Variants in WDR72 observed in about 807,000 individuals in gnomAD.
WDR72 encodes WD repeat-containing protein 72.
In WDR72, 120 loss-of-function variants were observed where a neutral mutation model predicts 124.2. The observed-to-expected ratio is 0.97, with a 90% CI of 0.83 to 1.12. WDR72 has a LOEUF of 1.12. Among genes scored for constraint, WDR72 ranks in the 50% most tolerant of loss-of-function variants. WDR72 has a pLI of 0.00. For synonymous variants in WDR72, 452 were observed against 441.7 expected, an observed-to-expected ratio of 1.02 and a Z score of -0.29; for missense variants, 1,387 against 1,278.8, an observed-to-expected ratio of 1.08 and a Z score of -1.29.
chr15:53,730,314 C>T (rs953092258), intron 2 of WDR72, among the ~76,000 whole-genome samples: 3 of 152,132 alleles, frequency 2.0e-5, no homozygotes, highest in Admixed American at 2.0e-4. Context: ...ATAGAATAGT[C>T]AAATTCATAG....
intron 18 of WDR72, among the ~76,000 whole-genome samples, chr15:53,544,563 T>A (rs980808846): frequency 2.0e-5 from 3 of 148,800 alleles, no homozygotes; most frequent in African/African-American, 7.7e-5. Flanking sequence ...TCATACTGAA[T>A]GGGCAAAAAC....
At chr15:53,555,636 C>G (rs188622223) in intron 18 of WDR72, among the ~76,000 whole-genome samples, 1 of 152,080 alleles carries the variant, frequency 6.6e-6, no homozygotes, top group Admixed American at 6.6e-5. Context: ...ATATTTCACT[C>G]GACTCTCCTA....
chr15:53,711,071 A>C, intron 8 of WDR72, 118 bp from the exon 9 acceptor site: 1 of 973,456 alleles, frequency 1.0e-6, no homozygotes, highest in Non-Finnish European at 1.6e-6. Context: ...CTCTAGTTAG[A>C]AATTGTTGGG....
At chr15:53,743,803 G>C (rs933975151) in intron 1 of WDR72, among the ~76,000 whole-genome samples, 3 of 151,858 alleles carry the variant, frequency 2.0e-5, no homozygotes, top group Non-Finnish European at 2.9e-5. Context: ...GTGAAACCCC[G>C]TCTCTACTAA....
rs116973572 is a variant in WDR72, at chr15:53,568,817, T to C, written c.3148+28262A>G. Among the ~76,000 whole-genome samples, 20 of 152,152 alleles carry C rather than the reference T, an allele frequency of 1.3e-4. No homozygotes were observed. The East Asian group carries it at 3.9e-3, about 30-fold the overall frequency. Reference sequence around the variant, plus strand: ...ATTTCTCATGAGTTAAAAACTCAGCTGCTATCAATGTAAACATACATTATA... The same window carrying C: ...ATTTCTCATGAGTTAAAAACTCAGCCGCTATCAATGTAAACATACATTATA... On this transcript the variant is annotated intron_variant, in intron 18 of 19. Transcript: ENST00000360509.
intron 14 of WDR72, 72 bp from the exon 15 acceptor site, chr15:53,616,315 T>C (rs1566986662): frequency 2.9e-6 from 4 of 1,365,724 alleles, no homozygotes; most frequent in Non-Finnish European, 4.1e-6. Flanking sequence ...GATGTTAAAG[T>C]GGCATTTTTA....
intron 18 of WDR72, among the ~76,000 whole-genome samples, chr15:53,556,333 G>A (rs965292996): frequency 2.0e-5 from 3 of 152,112 alleles, no homozygotes; most frequent in Middle Eastern, 3.2e-3. Context: ...CTAAAGGTTT[G>A]TGTTCCTTTC....
At position 53,631,720 on chromosome 15, in the gene WDR72, C is replaced by T. The variant is rs1028072529; in HGVS notation, c.1963-15477G>A. 9.2e-5 allele frequency among the ~76,000 whole-genome samples: 14 copies of T among 152,238 alleles called. No individual in the cohort carries two copies. The South Asian group carries it at 1.7e-3, about 18-fold the overall frequency. ...CTGGAGTAAAGGTCACTTTGTTATG[C>T]TTTAGCAAAGAGGGTGGCTGTATTG... On this transcript the variant is annotated intron_variant, in intron 14 of 19. Transcript: ENST00000360509.
chr15:53,703,008 G>A (rs544639005), intron 11 of WDR72, among the ~76,000 whole-genome samples: 1 of 151,756 alleles, frequency 6.6e-6, no homozygotes, highest in South Asian at 2.1e-4. Context: ...AAGTTCCCTG[G>A]GCTCGGATGA....
At chr15:53,663,824 C>T (rs1009000893) in intron 14 of WDR72, among the ~76,000 whole-genome samples, 2 of 152,024 alleles carry the variant, frequency 1.3e-5, no homozygotes, top group African/African-American at 2.4e-5. Flanking sequence ...ATACCTAAGA[C>T]TGTCAGTGTG....
chr15:53,516,383 A>C lies in WDR72; in HGVS notation c.*1316T>G, dbSNP rs527264986. Reference sequence around the variant, plus strand: ...CACAGTTCTCTTTTCTAATTTCCCCATCTCCTGTCTACTGCATCCCAGCAT... The same window carrying C: ...CACAGTTCTCTTTTCTAATTTCCCCCTCTCCTGTCTACTGCATCCCAGCAT... On this transcript the variant is annotated 3_prime_UTR_variant, in exon 20 of 20. Coordinates refer to ENST00000360509, the MANE Select transcript of WDR72 (RefSeq NM_182758.4). The C allele has an allele frequency of 6.6e-6, 1 of 152,084 alleles. No individual in the cohort carries two copies. Among genetic ancestry groups the C allele is most frequent in the African/African-American group, 2.4e-5 (1 of 41,514 alleles). 9.4% of individuals were successfully genotyped at this position (152,084 alleles called of 1,614,324 possible).
chr15:53,655,275 A>G (rs950213331), intron 14 of WDR72, among the ~76,000 whole-genome samples: 33 of 147,514 alleles, frequency 2.2e-4, no homozygotes, highest in Non-Finnish European at 4.4e-4. Context: ...TCTTAAAGAC[A>G]ATTTGTTACC....
At chr15:53,654,684 A>G (rs890992173) in intron 14 of WDR72, among the ~76,000 whole-genome samples, 7 of 152,212 alleles carry the variant, frequency 4.6e-5, no homozygotes, top group Admixed American at 1.3e-4. Flanking sequence ...CTCAGTAGCT[A>G]TCTTGATTAA....
Position 53,615,831 on chromosome 15 carries a change from A to C in WDR72, c.2375T>G (p.Ile792Arg), listed in dbSNP as rs758899508. The change falls in exon 15 of 20, where the codon ATA (isoleucine) becomes AGA (arginine). Residue 792 changes from isoleucine to arginine, a missense_variant. Ile to Arg is a moderately conservative substitution (Grantham distance 97). Coordinates refer to ENST00000360509, the MANE Select transcript of WDR72 (RefSeq NM_182758.4). ...PSRKVDASLT[I>R]DTAKLFLSCL... ...AGACAGAAACAATTTTGCTGTGTCT[A>C]TTGTGAGACTGGCATCTACTTTTCT... 12 of 1,613,522 alleles carry C rather than the reference A, an allele frequency of 7.4e-6. No homozygotes were observed. Among genetic ancestry groups the C allele is most frequent in the Non-Finnish European group, 1.0e-5 (12 of 1,179,682 alleles).
At chr15:53,648,049 C>T (rs2015104673) in intron 14 of WDR72, among the ~76,000 whole-genome samples, 1 of 152,036 alleles carries the variant, frequency 6.6e-6, no homozygotes. Flanking sequence ...AAACAAATTC[C>T]CCCTAACTTC....
chr15:53,557,074 T>C (rs553311218), intron 18 of WDR72, among the ~76,000 whole-genome samples: 35 of 152,222 alleles, frequency 2.3e-4, no homozygotes, highest in Middle Eastern at 6.8e-3. Flanking sequence ...ACTGCCAAGG[T>C]TGACTTGGCC....
chr15:53,562,099 C>T (rs533841684), intron 18 of WDR72, among the ~76,000 whole-genome samples: 1 of 151,854 alleles, frequency 6.6e-6, no homozygotes, highest in South Asian at 2.1e-4. Flanking sequence ...ATGCTCAAAG[C>T]AATGTCAGTC....
intron 1 of WDR72, among the ~76,000 whole-genome samples, chr15:53,744,260 CTA>C (rs1008520426): frequency 6.6e-6 from 1 of 152,016 alleles, no homozygotes; most frequent in Non-Finnish European, 1.5e-5. Flanking sequence ...TAATTATTTT[CTA>C]TGTTTATGCT....
At chr15:53,728,920 C>T (rs137876062) in intron 2 of WDR72, among the ~76,000 whole-genome samples, 31 of 152,214 alleles carry the variant, frequency 2.0e-4, no homozygotes, top group African/African-American at 7.5e-4. Context: ...TCCCCTGTGC[C>T]CTGCCATCCC....
Sources: gnomAD v4.1 joint callset for allele counts (sites outside exome capture counted in the v4.1 genomes callset) on GRCh38, gnomAD v4.1.1 for gene constraint, MANE v1.5 for transcripts, NCBI Gene and HGNC (gene_info 2026-07-23, HGNC 2026-07-21) for gene names.